Variants in HHIPL1 observed in about 807,000 individuals in gnomAD.
HHIPL1 encodes HHIP-like protein 1.
In HHIPL1, 43 loss-of-function variants were observed where a neutral mutation model predicts 61.8. That is an observed-to-expected ratio of 0.70 (90% CI 0.55 to 0.90). The LOEUF (loss-of-function observed/expected upper bound fraction) is 0.90, where lower values mean the gene tolerates loss of function less well. Ranked by LOEUF, HHIPL1 falls within the 40% of genes least tolerant of loss-of-function variation. The pLI is 0.00. For missense variants in HHIPL1, 1,056 were observed against 1,157.7 expected (o/e 0.91, Z 1.28); for synonymous variants, 482 against 515.8 (o/e 0.93, Z 0.89).
intron 7 of HHIPL1, among the ~76,000 whole-genome samples, chr14:99,670,626 C>A (rs1361629130): frequency 1.3e-5 from 2 of 152,138 alleles, no homozygotes; most frequent in Admixed American, 6.6e-5. Context: ...ATAATCACTT[C>A]CTGCTTCCAT....
the HHIPL1 span, among the ~76,000 whole-genome samples, chr14:99,605,403 C>A: frequency 6.6e-6 from 1 of 151,042 alleles, no homozygotes; most frequent in South Asian, 2.1e-4. Flanking sequence ...GGGGTCCCTC[C>A]CCCGGAACCT....
chr14:99,671,757 C>G lies in HHIPL1; in HGVS notation c.1731-560C>G, dbSNP rs550528361. 1.7e-3 allele frequency among the ~76,000 whole-genome samples: 261 copies of G among 152,304 alleles called. 1 individual carries two copies. Among genetic ancestry groups the G allele is most frequent in the African/African-American group, 6.0e-3 (250 of 41,576 alleles). Reference sequence around the variant, plus strand: ...TCTCACACCCCACATGCCAAGGCCCCAAATCCCTCAGCTCTGCCTCCAGGC... The same window carrying G: ...TCTCACACCCCACATGCCAAGGCCCGAAATCCCTCAGCTCTGCCTCCAGGC... On this transcript the variant is annotated intron_variant, in intron 7 of 8. Transcript: ENST00000330710.
intron 8 of HHIPL1, among the ~76,000 whole-genome samples, chr14:99,673,246 A>G (rs2056344843): frequency 6.6e-6 from 1 of 151,840 alleles, no homozygotes; most frequent in African/African-American, 2.4e-5. Flanking sequence ...GTCTGAGCTC[A>G]GTGATTTTGG....
chr14:99,616,339 A>G, the HHIPL1 span, among the ~76,000 whole-genome samples: 1 of 152,212 alleles, frequency 6.6e-6, no homozygotes. Flanking sequence ...TTCCCAGATC[A>G]TATCCTCGTC....
chr14:99,663,150 G>T, intron 6 of HHIPL1, 129 bp downstream of exon 6: 1 of 842,188 alleles, frequency 1.2e-6, no homozygotes, highest in South Asian at 2.3e-5. Flanking sequence ...CACCTGGGAT[G>T]TTCCCTGGCT....
intron 1 of HHIPL1, 145 bp downstream of exon 1, chr14:99,645,607 G>A (rs1331033641): frequency 1.1e-6 from 1 of 926,880 alleles, no homozygotes. Context: ...TTTGGCACGG[G>A]GCGGGGAGAC....
chr14:99,653,580 G>T (rs1034240625), intron 2 of HHIPL1, among the ~76,000 whole-genome samples: 2 of 152,124 alleles, frequency 1.3e-5, no homozygotes, highest in Non-Finnish European at 2.9e-5. Flanking sequence ...CAATCTGCCC[G>T]CCTCGGCCGA....
chr14:99,630,867 A>G, the HHIPL1 span, among the ~76,000 whole-genome samples: 2 of 152,106 alleles, frequency 1.3e-5, no homozygotes, highest in East Asian at 1.9e-4. Flanking sequence ...GCTGCTGGCA[A>G]TCCTGGTGTT....
At chr14:99,666,167 G>T (rs895284825) in intron 6 of HHIPL1, among the ~76,000 whole-genome samples, 2 of 152,208 alleles carry the variant, frequency 1.3e-5, no homozygotes, top group African/African-American at 4.8e-5. Flanking sequence ...ACTGGCTTTG[G>T]GGGAAATGTG....
rs975193989 is a variant in HHIPL1 at position 99,679,559 on chromosome 14, G to T, written c.*3933G>T. ...CCCAGGCCCTAGACTGAGCCTAGGG[G>T]TCACCATGTTGATACCTTAGAAATG... On this transcript the variant is annotated 3_prime_UTR_variant, in exon 9 of 9. Transcript: ENST00000330710. 3 of 152,364 alleles carry T rather than the reference G, an allele frequency of 2.0e-5. No homozygotes were observed. Among genetic ancestry groups the T allele is most frequent in the African/African-American group, 7.2e-5 (3 of 41,576 alleles). The allele number at this position is 152,364 out of a possible 1,614,324, so 9.4% of individuals were successfully genotyped here.
At chr14:99,669,374 C>G (rs750647683) in intron 7 of HHIPL1, 3 of 986,692 alleles carry the variant, frequency 3.0e-6, no homozygotes, top group Non-Finnish European at 3.6e-6. Context: ...TTGTACTTGT[C>G]TCTAACGCAA....
At chr14:99,663,529 C>T (rs1029068530) in intron 6 of HHIPL1, among the ~76,000 whole-genome samples, 1 of 152,148 alleles carries the variant, frequency 6.6e-6, no homozygotes, top group Non-Finnish European at 1.5e-5. Context: ...GGCTTCTTTA[C>T]TGCAAACTGT....
the HHIPL1 span, among the ~76,000 whole-genome samples, chr14:99,635,240 AT>A: frequency 2.0e-5 from 3 of 152,288 alleles, no homozygotes; most frequent in East Asian, 5.8e-4. Flanking sequence ...TCCAGGGAAC[AT>A]GGAGAGCCAG....
chr14:99,612,625 G>A, the HHIPL1 span, among the ~76,000 whole-genome samples: 2 of 152,306 alleles, frequency 1.3e-5, no homozygotes, highest in African/African-American at 4.8e-5. Flanking sequence ...GAGCCCAGCT[G>A]TGCACTTCTG....
Position 99,675,306 on chromosome 14 carries a change from C to T in HHIPL1, c.2029C>T (p.Arg677Trp), listed in dbSNP as rs548314465. The change falls in exon 9 of 9, where the codon CGG (arginine) becomes TGG (tryptophan). Residue 677 changes from arginine (R) to tryptophan (W), a missense_variant. Arg to Trp is a moderately radical substitution (Grantham distance 101, BLOSUM62 -3). Coordinates refer to ENST00000330710, the MANE Select transcript of HHIPL1 (RefSeq NM_001127258.3). The surrounding 1 kb of genome is among the most constrained non-coding windows in gnomAD (Gnocchi z 5.4). ...AFRDGEVRLV[R>W]PAGLSSGSGR... ...CCGGGATGGCGAGGTGCGCCTGGTG[C>T]GGCCCGCGGGCCTGAGCTCTGGCAG... The T allele has an allele frequency of 2.6e-5, 35 of 1,327,138 alleles. No individual in the cohort carries two copies. Among genetic ancestry groups the T allele is most frequent in the African/African-American group, 1.1e-4 (7 of 65,414 alleles). The allele number at this position is 1,327,138 out of a possible 1,614,324, so 82.2% of individuals were successfully genotyped here.
At chr14:99,642,843 T>C (rs990099500), upstream of HHIPL1, among the ~76,000 whole-genome samples, 1 of 151,412 alleles carries the variant, frequency 6.6e-6, no homozygotes, top group African/African-American at 2.4e-5. Flanking sequence ...TTTCTTAAAG[T>C]GGACCCCTCT....
At chr14:99,611,163 T>C in the HHIPL1 span, among the ~76,000 whole-genome samples, 1 of 152,372 alleles carries the variant, frequency 6.6e-6, no homozygotes. Context: ...CATTTGAGAC[T>C]CTGTCACCCA....
chr14:99,648,751 C>T (rs1189189981), intron 1 of HHIPL1, among the ~76,000 whole-genome samples: 1 of 152,130 alleles, frequency 6.6e-6, no homozygotes, highest in East Asian at 1.9e-4. Flanking sequence ...TTTGAGTAGG[C>T]CTTGAGTCAT....
chr14:99,616,701 C>G, the HHIPL1 span, among the ~76,000 whole-genome samples: 1 of 152,010 alleles, frequency 6.6e-6, no homozygotes, highest in African/African-American at 2.4e-5. Flanking sequence ...ATGTTTGAAA[C>G]TCTGTGCATG....
Sources: gnomAD v4.1 joint callset for allele counts (sites outside exome capture counted in the v4.1 genomes callset) on GRCh38, gnomAD v4.1.1 for gene constraint, Gnocchi (gnomAD v3.1) non-coding constraint, MANE v1.5 for transcripts, NCBI Gene and HGNC (gene_info 2026-07-23, HGNC 2026-07-21) for gene names.